HEATR5A: variants seen among roughly 807,000 people sequenced by gnomAD.
HEATR5A encodes HEAT repeat-containing protein 5A.
Under a neutral mutation model 218.8 loss-of-function variants are expected in HEATR5A, and 178 were observed. That is an observed-to-expected ratio of 0.81 (90% CI 0.72 to 0.92). The LOEUF is 0.92. Ranked by LOEUF, HEATR5A falls within the 40% of genes least tolerant of loss-of-function variation. The pLI is 0.00. For missense variants in HEATR5A, 2,420 were observed against 2,418.9 expected (o/e 1.00, Z -0.01); for synonymous variants, 864 against 871.6 (o/e 0.99, Z 0.15).
Position 31,313,025 on chromosome 14 carries a change from G to C in HEATR5A, c.4384C>G (p.Gln1462Glu). ...GGCAAAGTTAAAAGAGCAAAATCCT[G>C]AAGTGCAGCAAGCCAGAGTCTGCTT... ...TLSRLWLAAL[Q>E]DFALLTLPSE... Residue 1462 changes from glutamine to glutamate, a missense_variant, in exon 28 of 36, where the codon CAG becomes GAG. Gln to Glu is a conservative substitution (Grantham distance 29, BLOSUM62 2). Coordinates refer to ENST00000543095, the MANE Select transcript of HEATR5A (RefSeq NM_015473.4). 5.0e-6 allele frequency: 8 copies of C among 1,614,014 alleles called. No individual in the cohort carries two copies. The highest frequency in any genetic ancestry group is 6.8e-6 in the Non-Finnish European group (8 of 1,179,888).
At chr14:31,373,816 GC>G (rs1255906384) in intron 12 of HEATR5A, among the ~76,000 whole-genome samples, 1 of 151,796 alleles carries the variant, frequency 6.6e-6, no homozygotes, top group Non-Finnish European at 1.5e-5. Context: ...TTCTGCATCT[GC>G]CCCCAGTGAG....
intron 28 of HEATR5A, among the ~76,000 whole-genome samples, chr14:31,309,633 T>G (rs567050424): frequency 6.6e-6 from 1 of 152,352 alleles, no homozygotes; most frequent in East Asian, 1.9e-4. Context: ...AATATGTGTA[T>G]ATGTGTGATT....
intron 34 of HEATR5A, among the ~76,000 whole-genome samples, chr14:31,294,428 C>CA (rs1441003550): frequency 1.8e-5 from 1 of 56,106 alleles, no homozygotes; most frequent in Non-Finnish European, 3.4e-5. Context: ...CCTCCTGTAA[C>CA]ATTTTTTTTT....
intron 25 of HEATR5A, among the ~76,000 whole-genome samples, chr14:31,319,713 A>G (rs1900026704): frequency 6.6e-6 from 1 of 152,194 alleles, no homozygotes; most frequent in Admixed American, 6.5e-5. Flanking sequence ...GGACCAGTCA[A>G]ATAATCAGTT....
Position 31,326,230 on chromosome 14 carries a change from T to C in HEATR5A, c.3480A>G (p.Thr1160=). 1 of 1,613,180 alleles carries C rather than the reference T, an allele frequency of 6.2e-7. No individual in the cohort carries two copies. The highest frequency in any genetic ancestry group is 2.2e-5 in the East Asian group (1 of 44,820). The change falls in exon 23 of 36, where the codon ACA becomes ACG. Residue 1160 remains threonine, a synonymous_variant. Transcript: ENST00000543095. ...DIKETLNYML[T]SMAVEKLSLW... ...GGGAGAGTTTTTCCACTGCCATAGA[T>C]GTAAGCATATAATTTAAAGTCTCTT...
chr14:31,300,176 C>G (rs1364528583), intron 33 of HEATR5A, among the ~76,000 whole-genome samples: 1 of 152,166 alleles, frequency 6.6e-6, no homozygotes, highest in Non-Finnish European at 1.5e-5. Flanking sequence ...ACGACTCTTA[C>G]ACACTCTTCC....
At chr14:31,317,294 A>ATTTTTT (rs35394095) in intron 26 of HEATR5A, among the ~76,000 whole-genome samples, 1 of 64,118 alleles carries the variant, frequency 1.6e-5, no homozygotes, top group Non-Finnish European at 2.7e-5. Context: ...CCCGGGCTAG[A>ATTTTTT]TTTTTTTTTT....
chr14:31,396,028 C>T (rs1190089032), intron 4 of HEATR5A, among the ~76,000 whole-genome samples: 1 of 152,142 alleles, frequency 6.6e-6, no homozygotes, highest in African/African-American at 2.4e-5. Flanking sequence ...TAAACATTCA[C>T]CACAGTGCCT....
intron 5 of HEATR5A, among the ~76,000 whole-genome samples, chr14:31,394,622 T>C (rs1446016860): frequency 1.3e-5 from 2 of 151,898 alleles, no homozygotes; most frequent in African/African-American, 2.4e-5. Flanking sequence ...GAGACCATCC[T>C]GGCTAAGATG....
At chr14:31,402,702 C>T (rs1286148616) in intron 2 of HEATR5A, 148 bp downstream of exon 2, 3 of 675,414 alleles carry the variant, frequency 4.4e-6, no homozygotes, top group Admixed American at 3.5e-5. Context: ...GATGAGGGAA[C>T]AAAAAATGTA....
At chr14:31,420,375 G>A (rs1312430531) in intron 1 of HEATR5A, 97 bp downstream of exon 1, 3 of 152,252 alleles carry the variant, frequency 2.0e-5, no homozygotes, top group Admixed American at 6.5e-5. Flanking sequence ...CTCATACAGC[G>A]GCCCTGGTGC....
intron 32 of HEATR5A, chr14:31,302,799 TTTA>T (rs1466683808): frequency 2.0e-4 from 68 of 343,202 alleles, no homozygotes; most frequent in African/African-American, 1.4e-3. Flanking sequence ...GATAAATGAA[TTTA>T]TTTTTATTTA....
intron 14 of HEATR5A, among the ~76,000 whole-genome samples, chr14:31,359,482 T>C (rs1009229667): frequency 2.0e-5 from 3 of 151,468 alleles, no homozygotes; most frequent in Non-Finnish European, 2.9e-5. Context: ...ATCCCAGCAC[T>C]TTGGGAGGCG....
chr14:31,374,709 G>T, intron 12 of HEATR5A, 107 bp downstream of exon 12: 5 of 985,350 alleles, frequency 5.1e-6, no homozygotes, highest in African/African-American at 1.6e-5. Flanking sequence ...ATCATTAGTG[G>T]CATATCCCCC....
intron 22 of HEATR5A, among the ~76,000 whole-genome samples, chr14:31,326,636 T>C (rs1027657954): frequency 1.3e-5 from 2 of 152,188 alleles, no homozygotes; most frequent in Admixed American, 6.6e-5. Context: ...GTCCAATACT[T>C]ACAAAATTTT....
chr14:31,302,743 TGTGA>T (rs1367356510), intron 32 of HEATR5A: 9 of 495,260 alleles, frequency 1.8e-5, no homozygotes, highest in East Asian at 3.5e-5. Flanking sequence ...AAATAAATTG[TGTGA>T]GTATCATTAT....
intron 25 of HEATR5A, among the ~76,000 whole-genome samples, 167 bp downstream of exon 25, chr14:31,321,332 G>T (rs1442502298): frequency 2.6e-5 from 4 of 152,126 alleles, no homozygotes; most frequent in African/African-American, 4.8e-5. Context: ...TTTTGGTAGA[G>T]ATGGGGTTTC....
At chr14:31,348,887 T>C (rs1428111486) in intron 18 of HEATR5A, among the ~76,000 whole-genome samples, 3 of 152,208 alleles carry the variant, frequency 2.0e-5, no homozygotes, top group Non-Finnish European at 4.4e-5. Flanking sequence ...CTATCAATAC[T>C]ACCACCACCA....
chr14:31,305,230 T>A, intron 31 of HEATR5A, 53 bp from the exon 32 acceptor site: 1 of 1,557,384 alleles, frequency 6.4e-7, no homozygotes, highest in East Asian at 2.2e-5. Flanking sequence ...TTCTGGTAGA[T>A]GGCAATTTAG....
Sources: allele counts gnomAD v4.1 joint callset (sites outside exome capture counted in the v4.1 genomes callset), GRCh38; gene constraint gnomAD v4.1.1; transcripts MANE v1.5; gene names NCBI Gene and HGNC (gene_info 2026-07-23, HGNC 2026-07-21).